TAFA2: variants seen among roughly 807,000 people sequenced by gnomAD.
TAFA2 encodes chemokine-like protein TAFA-2.
Under a neutral mutation model 18.8 loss-of-function variants are expected in TAFA2, and 7 were observed. The ratio of observed to expected loss-of-function variants is 0.37; its 90% CI spans 0.21 to 0.70. The LOEUF is 0.70. Among genes scored for constraint, TAFA2 ranks in the 30% least tolerant of loss-of-function variants. TAFA2 has a pLI of 0.53. For synonymous variants in TAFA2, 60 were observed against 54.2 expected (o/e 1.11, Z -0.47); for missense variants, 122 against 158.1 (o/e 0.77, Z 1.23).
chr12:61,787,459 A>T (rs1213634607), intron 2 of TAFA2, among the ~76,000 whole-genome samples: 1 of 151,716 alleles, frequency 6.6e-6, no homozygotes, highest in African/African-American at 2.4e-5. Context: ...TACCACTAGC[A>T]TAAAGGTTAA....
At chr12:62,258,564 T>C (rs2062953908) in intron 1 of TAFA2, 2 of 169,002 alleles carry the variant, frequency 1.2e-5, no homozygotes, top group African/African-American at 4.8e-5. Context: ...ATAATTCACA[T>C]ACTGTACAAT....
chr12:62,057,296 T>A lies in TAFA2; in HGVS notation c.-2+133963A>T, dbSNP rs554073989. Among the ~76,000 whole-genome samples the A allele has an allele frequency of 5.3e-4, 80 of 152,308 alleles. 1 individual carries two copies. Among genetic ancestry groups the A allele is most frequent in the South Asian group, 5.2e-3 (25 of 4,834 alleles). ...GAATGTTTCTGATCTTGTTAATATC[T>A]CAGTTTTGTCCCTTCTTTTAATTCT... is the stretch of plus-strand genomic sequence containing the variant. On this transcript the variant is annotated intron_variant, in intron 1 of 4. Transcript: ENST00000416284.
chr12:62,213,735 A>G (rs1196939165), intron 1 of TAFA2, among the ~76,000 whole-genome samples: 1 of 152,188 alleles, frequency 6.6e-6, no homozygotes, highest in Non-Finnish European at 1.5e-5. Context: ...AGAATTTACA[A>G]TCCAAGTTAA....
intron 1 of TAFA2, among the ~76,000 whole-genome samples, chr12:61,894,522 G>T (rs769384679): frequency 2.0e-5 from 3 of 152,092 alleles, no homozygotes; most frequent in Non-Finnish European, 4.4e-5. Context: ...AAGACAAACA[G>T]TAAAGACAAT....
At chr12:61,931,933 C>T (rs55771411) in intron 1 of TAFA2, among the ~76,000 whole-genome samples, 11,200 of 152,146 alleles carry the variant, frequency 0.074, 1,339 homozygotes, top group African/African-American at 0.25. Context: ...GATAATTCTA[C>T]GTCATCAATG....
At chr12:62,081,962 A>G (rs1868332340) in intron 1 of TAFA2, among the ~76,000 whole-genome samples, 2 of 144,284 alleles carry the variant, frequency 1.4e-5, no homozygotes, top group Admixed American at 1.4e-4. Context: ...CACCCCCGAC[A>G]GGCCCCAGTG....
intron 2 of TAFA2, among the ~76,000 whole-genome samples, chr12:61,758,525 G>A (rs1869380801): frequency 6.6e-6 from 1 of 152,020 alleles, no homozygotes; most frequent in Non-Finnish European, 1.5e-5. Context: ...TCAGGTAGAT[G>A]TGAGTGGATT....
chr12:62,141,213 A>T (rs1416131189), intron 1 of TAFA2, among the ~76,000 whole-genome samples: 2 of 152,254 alleles, frequency 1.3e-5, no homozygotes, highest in East Asian at 3.8e-4. Context: ...GCCCCTAAGC[A>T]TCTCTGAGGA....
intron 2 of TAFA2, among the ~76,000 whole-genome samples, chr12:61,786,723 C>T (rs1870753457): frequency 6.6e-6 from 1 of 151,240 alleles, no homozygotes; most frequent in African/African-American, 2.4e-5. Flanking sequence ...ATTATATTCT[C>T]CAATGTATTG....
intron 1 of TAFA2, among the ~76,000 whole-genome samples, chr12:62,087,912 C>T (rs1370645370): frequency 6.6e-6 from 1 of 151,964 alleles, no homozygotes; most frequent in Non-Finnish European, 1.5e-5. Flanking sequence ...GAAGGTAAAG[C>T]CAACAAATCT....
intron 2 of TAFA2, among the ~76,000 whole-genome samples, chr12:61,800,834 G>A (rs757797353): frequency 6.6e-5 from 10 of 152,116 alleles, no homozygotes; most frequent in Non-Finnish European, 1.0e-4. Context: ...GACCTTTATG[G>A]AGAAAAGTCC....
chr12:61,715,291 C>T (rs948149736), intron 4 of TAFA2, among the ~76,000 whole-genome samples: 1 of 152,062 alleles, frequency 6.6e-6, no homozygotes, highest in Admixed American at 6.6e-5. Context: ...GAAGCACTGG[C>T]CAGGTGTGGT....
chr12:62,149,783 CA>C (rs2062315322), intron 1 of TAFA2, among the ~76,000 whole-genome samples: 1 of 152,012 alleles, frequency 6.6e-6, no homozygotes, highest in South Asian at 2.1e-4. Context: ...CACTCAGCCA[CA>C]AAAATGCTTT....
chr12:61,997,839 T>A (rs1369247800), intron 1 of TAFA2, among the ~76,000 whole-genome samples: 2 of 152,130 alleles, frequency 1.3e-5, no homozygotes, highest in Non-Finnish European at 2.9e-5. Context: ...CACAAAAAGC[T>A]GTTCATATTT....
intron 4 of TAFA2, among the ~76,000 whole-genome samples, chr12:61,718,652 G>T (rs1039893065): frequency 1.3e-5 from 2 of 152,116 alleles, no homozygotes; most frequent in African/African-American, 2.4e-5. Context: ...CTATATGCCA[G>T]CATAGTTCAT....
chr12:61,894,260 A>C (rs928273224), intron 1 of TAFA2, among the ~76,000 whole-genome samples: 18 of 152,332 alleles, frequency 1.2e-4, no homozygotes, highest in African/African-American at 3.8e-4. Flanking sequence ...ATTTCTCTTC[A>C]CTGTGCCATA....
At chr12:61,972,127 G>A (rs1429501702) in intron 1 of TAFA2, among the ~76,000 whole-genome samples, 1 of 151,636 alleles carries the variant, frequency 6.6e-6, no homozygotes, top group African/African-American at 2.4e-5. Context: ...TGCACAGGAT[G>A]TGCAGGTTTG....
At chr12:62,210,853 T>C (rs2136972951) in intron 1 of TAFA2, among the ~76,000 whole-genome samples, 1 of 152,258 alleles carries the variant, frequency 6.6e-6, no homozygotes, top group East Asian at 1.9e-4. Flanking sequence ...AGAGAACGTA[T>C]ATTGTCTTTT....
In TAFA2 at chr12:61,754,987, T is replaced by C. The variant is rs750335899; in HGVS notation, c.144A>G (p.Ala48=). 3 of 1,612,714 alleles carry C rather than the reference T, an allele frequency of 1.9e-6. No homozygotes were observed. Among genetic ancestry groups the C allele is most frequent in the Non-Finnish European group, 2.5e-6 (3 of 1,179,336 alleles). The change falls in exon 3 of 5, where the codon GCA becomes GCG. Residue 48 remains alanine, a synonymous_variant. Transcript: ENST00000416284. ...TGTTCTTATTACAGCATCTGTGGAGTGCCACCACCTCACAAGTTCCCGTTT... is the reference window on the plus strand; with the variant it reads ...TGTTCTTATTACAGCATCTGTGGAGCGCCACCACCTCACAAGTTCCCGTTT... The part of the protein sequence containing the change: ...HVKTGTCEVV[A]LHRCCNKNKI...
Sources: gnomAD v4.1 joint callset for allele counts (sites outside exome capture counted in the v4.1 genomes callset) on GRCh38, gnomAD v4.1.1 for gene constraint, MANE v1.5 for transcripts, NCBI Gene and HGNC (gene_info 2026-07-23, HGNC 2026-07-21) for gene names.